The following NFIL3 variants were observed in gnomAD, a reference collection of about 807,000 sequenced individuals.
The protein encoded by NFIL3 is nuclear factor, interleukin 3 regulated.
Under a neutral mutation model 10.0 loss-of-function variants are expected in NFIL3, and 5 were observed. That is an observed-to-expected ratio of 0.50 (90% CI 0.26 to 1.06). The LOEUF is 1.06. NFIL3 is among the 50% of genes least tolerant of loss of function. NFIL3 has a pLI of 0.13. For missense variants in NFIL3, 436 were observed against 547.6 expected (o/e 0.80, Z 2.03); for synonymous variants, 202 against 206.5 (o/e 0.98, Z 0.19).
rs1173252993 is a variant in NFIL3, at chr9:91,423,620, G to T, written c.-173+20C>A. 6.8e-6 allele frequency: 1 copy of T among 146,516 alleles called. No homozygotes were observed. 9.1% of individuals were successfully genotyped at this position (146,516 alleles called of 1,614,324 possible). A position where few individuals can be genotyped will look rare whatever the true frequency, so the allele number is the denominator to read the frequency against. ...GGAGCGGTCGCCGGGCCCCCGGCCG[G>T]CGGTGGGCGGAGCGCTTACCGTGTT... is the stretch of plus-strand genomic sequence containing the variant. On this transcript the variant is annotated intron_variant, in intron 1 of 1. Transcript: ENST00000297689.
the NFIL3 span, among the ~76,000 whole-genome samples, chr9:91,474,604 T>C: frequency 6.6e-6 from 1 of 152,228 alleles, no homozygotes; most frequent in Non-Finnish European, 1.5e-5. Context: ...GCAGGAGTGA[T>C]GGCTTCTTAG....
the NFIL3 span, among the ~76,000 whole-genome samples, chr9:91,460,084 C>A: frequency 1.3e-5 from 2 of 151,766 alleles, no homozygotes; most frequent in African/African-American, 4.9e-5. Flanking sequence ...TCCCCAGCAA[C>A]CTCTCTCCCC....
At chr9:91,465,951 C>T in the NFIL3 span, among the ~76,000 whole-genome samples, 19 of 151,918 alleles carry the variant, frequency 1.3e-4, no homozygotes, top group African/African-American at 3.9e-4. Flanking sequence ...TACTACAGCC[C>T]TGTAGGCATG....
chr9:91,479,226 C>T, the NFIL3 span, among the ~76,000 whole-genome samples: 2 of 152,210 alleles, frequency 1.3e-5, no homozygotes, highest in Non-Finnish European at 2.9e-5. Flanking sequence ...ACGTTTAAGT[C>T]TGCTGAAGCT....
intron 1 of NFIL3, among the ~76,000 whole-genome samples, chr9:91,411,730 T>C (rs1393323570): frequency 6.6e-6 from 1 of 152,230 alleles, no homozygotes; most frequent in African/African-American, 2.4e-5. Context: ...GATTGAAGTA[T>C]CCAAAATGCT....
At chr9:91,482,199 C>A in the NFIL3 span, among the ~76,000 whole-genome samples, 2 of 152,160 alleles carry the variant, frequency 1.3e-5, no homozygotes, top group Admixed American at 6.5e-5. Flanking sequence ...TTGAGGATGT[C>A]TATTGCAACA....
chr9:91,466,018 G>A, the NFIL3 span, among the ~76,000 whole-genome samples: 1 of 151,798 alleles, frequency 6.6e-6, no homozygotes, highest in Non-Finnish European at 1.5e-5. Context: ...GTGATGTACA[G>A]TAGATCTGTG....
intron 1 of NFIL3, among the ~76,000 whole-genome samples, chr9:91,413,461 G>T (rs1422743025): frequency 6.6e-6 from 1 of 152,186 alleles, no homozygotes; most frequent in South Asian, 2.1e-4. Flanking sequence ...ATGTTGGTCA[G>T]GCTGGTCTTG....
chr9:91,447,903 T>G, the NFIL3 span, among the ~76,000 whole-genome samples: 1 of 152,210 alleles, frequency 6.6e-6, no homozygotes. Context: ...TCTAGAAATT[T>G]ATTGCCAAAT....
At chr9:91,467,246 A>G in the NFIL3 span, among the ~76,000 whole-genome samples, 1 of 152,116 alleles carries the variant, frequency 6.6e-6, no homozygotes, top group Non-Finnish European at 1.5e-5. Context: ...GTGTGTATAT[A>G]TAGCATATGT....
At chr9:91,452,254 T>C in the NFIL3 span, among the ~76,000 whole-genome samples, 1 of 152,220 alleles carries the variant, frequency 6.6e-6, no homozygotes, top group Non-Finnish European at 1.5e-5. Flanking sequence ...ATCTGCATAA[T>C]AAAACTTTAG....
At chr9:91,427,912 C>T (rs1196452054), upstream of NFIL3, among the ~76,000 whole-genome samples, 1 of 152,132 alleles carries the variant, frequency 6.6e-6, no homozygotes, top group Non-Finnish European at 1.5e-5. Context: ...TCCCAAAGTG[C>T]TGGAATTACA....
At chr9:91,436,048 T>C in the NFIL3 span, among the ~76,000 whole-genome samples, 1 of 152,104 alleles carries the variant, frequency 6.6e-6, no homozygotes, top group Admixed American at 6.5e-5. Context: ...GCAAGTCAGG[T>C]TTGAAGGCTA....
At chr9:91,469,187 G>T in the NFIL3 span, among the ~76,000 whole-genome samples, 1 of 152,152 alleles carries the variant, frequency 6.6e-6, no homozygotes, top group Non-Finnish European at 1.5e-5. Context: ...CTATTTGTTT[G>T]TGTCCTCTTT....
At chr9:91,482,432 GTGATGATGATGATGA>G in the NFIL3 span, among the ~76,000 whole-genome samples, 52 of 150,658 alleles carry the variant, frequency 3.5e-4, 1 homozygote, top group Non-Finnish European at 6.3e-4. Context: ...CCAGGGCTGG[GTGATGATGATGATGA>G]TGATGATGAT....
At chr9:91,471,482 G>A in the NFIL3 span, among the ~76,000 whole-genome samples, 16 of 130,402 alleles carry the variant, frequency 1.2e-4, no homozygotes, top group African/African-American at 4.0e-4. Context: ...TTGCCAGTCT[G>A]TGTCTTTTTT....
chr9:91,468,989 T>C, the NFIL3 span, among the ~76,000 whole-genome samples: 2 of 152,324 alleles, frequency 1.3e-5, no homozygotes, highest in East Asian at 3.9e-4. Flanking sequence ...TTTGTTCTTT[T>C]TGCTTAGGAT....
chr9:91,464,258 A>G, the NFIL3 span, among the ~76,000 whole-genome samples: 193 of 152,042 alleles, frequency 1.3e-3, no homozygotes, highest in Non-Finnish European at 2.5e-3. Flanking sequence ...TTAACTGAGC[A>G]TTTTATATTA....
the NFIL3 span, among the ~76,000 whole-genome samples, chr9:91,481,242 A>T: frequency 1.2e-4 from 18 of 152,208 alleles, no homozygotes; most frequent in Non-Finnish European, 2.4e-4. Flanking sequence ...GATAATTTTT[A>T]AAAAGTATGT....
Sources: allele counts gnomAD v4.1 joint callset (sites outside exome capture counted in the v4.1 genomes callset), GRCh38; gene constraint gnomAD v4.1.1; transcripts MANE v1.5; gene names NCBI Gene and HGNC (gene_info 2026-07-23, HGNC 2026-07-21).